Variants in SOX5 observed in about 807,000 individuals in gnomAD.
The protein encoded by SOX5 is SRY-box transcription factor 5, also known as transcription factor SOX-5.
In SOX5, 9 loss-of-function variants were observed where a neutral mutation model predicts 92.0. That is an observed-to-expected ratio of 0.10 (90% CI 0.06 to 0.17). The LOEUF is 0.17. SOX5 is among the 10% of genes least tolerant of loss of function. SOX5 has a pLI of 1.00. For missense variants in SOX5, 642 were observed against 944.5 expected, an observed-to-expected ratio of 0.68 and a Z score of 4.20; for synonymous variants, 344 against 336.3, an observed-to-expected ratio of 1.02 and a Z score of -0.25.
chr12:24,074,072 A>G (rs902965159), intron 4 of SOX5, among the ~76,000 whole-genome samples: 1 of 152,188 alleles, frequency 6.6e-6, no homozygotes, highest in African/African-American at 2.4e-5. Flanking sequence ...AGTGTACACA[A>G]GATGTAGAAC....
rs550758005 is a variant in SOX5, at chr12:24,147,572, T to C, written c.-2+65771A>G. 5.9e-5 allele frequency among the ~76,000 whole-genome samples: 9 copies of C among 152,158 alleles called. No homozygotes were observed. The South Asian group carries it at 1.9e-3, about 32-fold the overall frequency. ...CAGTGGAGGTTGTATGGGAGTGCAATAAAGCAAGAATAAGCACTAAAAGGC... is the reference window on the plus strand; with the variant it reads ...CAGTGGAGGTTGTATGGGAGTGCAACAAAGCAAGAATAAGCACTAAAAGGC... On this transcript the variant is annotated intron_variant, in intron 4 of 4. Coordinates refer to the SOX5 transcript ENST00000446891.
At chr12:24,399,825 A>G in intron 1 of SOX5, among the ~76,000 whole-genome samples, 1 of 152,234 alleles carries the variant, frequency 6.6e-6, no homozygotes, top group East Asian at 1.9e-4. Flanking sequence ...GTAATCTAAT[A>G]ACATATTATC....
chr12:24,326,279 T>A (rs923732675), intron 2 of SOX5, among the ~76,000 whole-genome samples: 2 of 152,124 alleles, frequency 1.3e-5, no homozygotes, highest in Admixed American at 1.3e-4. Context: ...AAGCTGAGCA[T>A]TTGCAAAGAT....
chr12:23,694,708 CACA>C (rs2089498147), intron 6 of SOX5, among the ~76,000 whole-genome samples: 1 of 152,108 alleles, frequency 6.6e-6, no homozygotes, highest in African/African-American at 2.4e-5. Flanking sequence ...CTACTTATTC[CACA>C]ACAACAATGA....
chr12:24,525,375 G>A (rs1950609837), intron 1 of SOX5, among the ~76,000 whole-genome samples: 1 of 152,170 alleles, frequency 6.6e-6, no homozygotes, highest in Admixed American at 6.5e-5. Context: ...GCCAGAGTTG[G>A]GGGAATGGGA....
At chr12:23,606,454 C>G (rs1338922942) in intron 8 of SOX5, among the ~76,000 whole-genome samples, 1 of 151,548 alleles carries the variant, frequency 6.6e-6, no homozygotes, top group Non-Finnish European at 1.5e-5. Context: ...TTACTAATGA[C>G]ATGGAACATA....
intron 4 of SOX5, among the ~76,000 whole-genome samples, chr12:24,082,634 G>A (rs1330161070): frequency 6.6e-6 from 1 of 151,682 alleles, no homozygotes; most frequent in African/African-American, 2.4e-5. Flanking sequence ...GGCATTTGGA[G>A]CTGCACAGAG....
chr12:23,537,189 TTAATTA>T (rs1358293608), intron 13 of SOX5, among the ~76,000 whole-genome samples: 1 of 152,094 alleles, frequency 6.6e-6, no homozygotes, highest in Non-Finnish European at 1.5e-5. Flanking sequence ...GATTAAACAT[TTAATTA>T]TAATTAAAAT....
chr12:23,781,462 A>G (rs2095278089), intron 3 of SOX5, among the ~76,000 whole-genome samples: 1 of 152,084 alleles, frequency 6.6e-6, no homozygotes, highest in Admixed American at 6.6e-5. Context: ...TGCCTTTTCT[A>G]ACATAAAAAG....
At chr12:24,430,317 A>G (rs1480416650) in intron 1 of SOX5, among the ~76,000 whole-genome samples, 2 of 152,180 alleles carry the variant, frequency 1.3e-5, no homozygotes, top group African/African-American at 4.8e-5. Flanking sequence ...ACCATTATGA[A>G]AGTGGTAAAT....
At chr12:23,911,410 G>A (rs1166937906) in intron 1 of SOX5, among the ~76,000 whole-genome samples, 1 of 151,934 alleles carries the variant, frequency 6.6e-6, no homozygotes, top group Non-Finnish European at 1.5e-5. Context: ...ATTTCCCAGA[G>A]AGTCAATTTT....
In SOX5 at chr12:23,895,954, G is replaced by C; in HGVS notation, c.109C>G (p.Gln37Glu). The C allele has an allele frequency of 1.2e-6, 2 of 1,614,102 alleles. No individual in the cohort carries two copies. The highest frequency in any genetic ancestry group is 2.2e-5 in the South Asian group (2 of 91,086). The change falls in exon 2 of 15, where the codon CAG (glutamine) becomes GAG (glutamate). Residue 37 changes from glutamine (Q) to glutamate (E), a missense_variant. This residue lies in a region of SOX5 where 113 missense variants were observed against 117.7 expected (regional missense o/e 0.96). Transcript: ENST00000451604. Reference protein sequence around the residue: ...DGEVAMVTSRQKVEEEESDGL... With the variant: ...DGEVAMVTSREKVEEEESDGL... ...TCACTCTCCTCTTCTTCCACTTTCTGTCTGCTTGTCACCATGGCTACCTCT... is the reference window on the plus strand; with the variant it reads ...TCACTCTCCTCTTCTTCCACTTTCTCTCTGCTTGTCACCATGGCTACCTCT...
intron 4 of SOX5, among the ~76,000 whole-genome samples, chr12:24,026,310 G>T (rs190115429): frequency 2.2e-4 from 33 of 152,034 alleles, no homozygotes; most frequent in Admixed American, 1.2e-3. Context: ...GAGTATAAAA[G>T]ATTTATTATC....
intron 1 of SOX5, among the ~76,000 whole-genome samples, chr12:24,449,243 AT>A (rs1451570230): frequency 7.2e-5 from 11 of 152,280 alleles, no homozygotes; most frequent in African/African-American, 1.9e-4. Context: ...AAAAATTCTA[AT>A]TCCTTACTCT....
At chr12:24,187,308 G>A (rs191298144) in intron 4 of SOX5, among the ~76,000 whole-genome samples, 7 of 152,300 alleles carry the variant, frequency 4.6e-5, no homozygotes, top group East Asian at 3.9e-4. Context: ...CCAACCCACT[G>A]AAGTCCTGCT....
intron 1 of SOX5, among the ~76,000 whole-genome samples, chr12:24,414,130 C>A (rs1964600374): frequency 6.6e-6 from 1 of 152,142 alleles, no homozygotes; most frequent in Non-Finnish European, 1.5e-5. Context: ...AATAGAGTTT[C>A]ATTTACTTGG....
chr12:24,101,774 G>C lies in SOX5; in HGVS notation c.-2+111569C>G, dbSNP rs1946121623. 3.3e-5 allele frequency among the ~76,000 whole-genome samples: 5 copies of C among 152,076 alleles called. No homozygotes were observed. The South Asian group carries it at 1.0e-3, about 32-fold the overall frequency. ...GCTTCTCACCTGCCTTATTAAGTTG[G>C]AAAGATTTGCTCAGGGAATGCAAGC... On this transcript the variant is annotated intron_variant, in intron 4 of 4. Coordinates refer to the SOX5 transcript ENST00000446891.
intron 7 of SOX5, among the ~76,000 whole-genome samples, chr12:23,652,517 G>GTTTTTTTTTTTTTT (rs3030242): frequency 1.4e-5 from 2 of 140,084 alleles, no homozygotes; most frequent in African/African-American, 5.3e-5. Context: ...CTCTTCTACT[G>GTTTTTTTTTTTTTT]TTTTTTTTTT....
intron 4 of SOX5, among the ~76,000 whole-genome samples, chr12:24,063,141 C>T (rs1327044201): frequency 1.3e-5 from 2 of 152,180 alleles, no homozygotes; most frequent in African/African-American, 4.8e-5. Flanking sequence ...CACACACTCA[C>T]TTCTCCCACC....
Sources: gnomAD v4.1 joint callset for allele counts (sites outside exome capture counted in the v4.1 genomes callset) on GRCh38, gnomAD v4.1.1 for gene constraint, gnomAD v4.1.1 regional missense constraint, MANE v1.5 for transcripts, NCBI Gene and HGNC (gene_info 2026-07-23, HGNC 2026-07-21) for gene names.